The following EEIG2 variants were observed in gnomAD, a reference collection of about 807,000 sequenced individuals.
EEIG2 encodes family with sequence similarity 102 member B.
At chr1:108,631,655 TAATAAACATATAGC>T in the EEIG2 span, among the ~76,000 whole-genome samples, 3 of 152,316 alleles carry the variant, frequency 2.0e-5, no homozygotes, top group Admixed American at 2.0e-4. Flanking sequence ...AATTATATCA[TAATAAACATATAGC>T]AATTATAGGT....
chr1:108,624,776 T>C, the EEIG2 span: 1 of 1,592,688 alleles, frequency 6.3e-7, no homozygotes, highest in East Asian at 2.2e-5. Flanking sequence ...ACTGGTTTTT[T>C]AATTTGTGAG....
the EEIG2 span, among the ~76,000 whole-genome samples, chr1:108,560,863 G>T: frequency 6.6e-6 from 1 of 152,028 alleles, no homozygotes; most frequent in African/African-American, 2.4e-5. Flanking sequence ...TTCCATATTT[G>T]TGAAATGCAA....
the EEIG2 span, among the ~76,000 whole-genome samples, chr1:108,614,854 T>G: frequency 1.3e-5 from 2 of 152,250 alleles, no homozygotes; most frequent in African/African-American, 4.8e-5. Context: ...TCTGTTCTAC[T>G]TAACTATTCA....
chr1:108,631,380 A>T, the EEIG2 span, among the ~76,000 whole-genome samples: 1 of 152,258 alleles, frequency 6.6e-6, no homozygotes, highest in South Asian at 2.1e-4. Context: ...GTGGTGCAGC[A>T]GAGACTCTGT....
chr1:108,564,591 C>T, the EEIG2 span, among the ~76,000 whole-genome samples: 1 of 152,074 alleles, frequency 6.6e-6, no homozygotes, highest in African/African-American at 2.4e-5. Context: ...CCATATAGGC[C>T]TGCTTACTAA....
At chr1:108,564,783 A>T in the EEIG2 span, among the ~76,000 whole-genome samples, 1 of 152,160 alleles carries the variant, frequency 6.6e-6, no homozygotes, top group Non-Finnish European at 1.5e-5. Context: ...TTTCTACAAA[A>T]AACATACCAA....
chr1:108,635,766 T>A, the EEIG2 span: 1 of 152,298 alleles, frequency 6.6e-6, no homozygotes, highest in Non-Finnish European at 1.5e-5. Context: ...CAAGTGCATT[T>A]AAGTCAGAGA....
chr1:108,587,716 G>A, the EEIG2 span, among the ~76,000 whole-genome samples: 22 of 152,242 alleles, frequency 1.4e-4, no homozygotes, highest in Non-Finnish European at 2.2e-4. Flanking sequence ...AAAATTTTGT[G>A]TAGCTTTCAT....
the EEIG2 span, among the ~76,000 whole-genome samples, chr1:108,585,878 C>A: frequency 6.6e-6 from 1 of 152,058 alleles, no homozygotes; most frequent in Non-Finnish European, 1.5e-5. Context: ...TGTAAACACC[C>A]TACCATCTTC....
At chr1:108,570,612 A>G in the EEIG2 span, among the ~76,000 whole-genome samples, 9 of 152,230 alleles carry the variant, frequency 5.9e-5, no homozygotes, top group Non-Finnish European at 1.2e-4. Flanking sequence ...AAATTTAAAA[A>G]CATGAATTTT....
chr1:108,619,996 C>T, the EEIG2 span, among the ~76,000 whole-genome samples: 1 of 152,200 alleles, frequency 6.6e-6, no homozygotes, highest in Non-Finnish European at 1.5e-5. Context: ...CACTCCCATA[C>T]CTACTTCCAG....
At chr1:108,589,711 A>G in the EEIG2 span, among the ~76,000 whole-genome samples, 1 of 138,768 alleles carries the variant, frequency 7.2e-6, no homozygotes, top group African/African-American at 2.8e-5. Flanking sequence ...TTTCTCCTCT[A>G]CCCACTCTCC....
At chr1:108,567,309 A>G in the EEIG2 span, among the ~76,000 whole-genome samples, 14 of 152,224 alleles carry the variant, frequency 9.2e-5, no homozygotes, top group African/African-American at 3.4e-4. Flanking sequence ...CTTTACATTT[A>G]ATCTTCAAGA....
chr1:108,595,914 A>G, the EEIG2 span, among the ~76,000 whole-genome samples: 1 of 152,184 alleles, frequency 6.6e-6, no homozygotes, highest in East Asian at 1.9e-4. Flanking sequence ...AACAAACCAG[A>G]CAAGCAGGAA....
At chr1:108,568,862 A>T in the EEIG2 span, among the ~76,000 whole-genome samples, 1 of 152,158 alleles carries the variant, frequency 6.6e-6, no homozygotes. Context: ...CATTGACCAG[A>T]ACATCAGCAC....
the EEIG2 span, chr1:108,560,552 G>A: frequency 1.9e-6 from 3 of 1,610,412 alleles, no homozygotes; most frequent in Non-Finnish European, 2.5e-6. Context: ...CAGCTTCACC[G>A]CCGAGTCCTC....
At chr1:108,615,629 G>A in the EEIG2 span, among the ~76,000 whole-genome samples, 149,959 of 151,842 alleles carry the variant, frequency 0.99, 74,083 homozygotes, top group East Asian at 1. Flanking sequence ...AAAGAAAAAG[G>A]AAAGAATTAG....
chr1:108,574,182 A>G, the EEIG2 span, among the ~76,000 whole-genome samples: 1 of 152,224 alleles, frequency 6.6e-6, no homozygotes, highest in Admixed American at 6.5e-5. Context: ...ATTCAGCCTT[A>G]AAAAATGAAG....
At chr1:108,571,110 G>A in the EEIG2 span, among the ~76,000 whole-genome samples, 1 of 152,152 alleles carries the variant, frequency 6.6e-6, no homozygotes, top group African/African-American at 2.4e-5. Flanking sequence ...GTGTTGGAGT[G>A]AAGAGAGAAA....
Sources: allele counts gnomAD v4.1 joint callset (sites outside exome capture counted in the v4.1 genomes callset), GRCh38; gene constraint gnomAD v4.1.1; transcripts MANE v1.5; gene names NCBI Gene and HGNC (gene_info 2026-07-23, HGNC 2026-07-21).